MAGI2: variants seen among roughly 807,000 people sequenced by gnomAD.
MAGI2 encodes the protein membrane associated guanylate kinase, WW and PDZ domain containing 2.
Under a neutral mutation model 133.3 loss-of-function variants are expected in MAGI2, and 35 were observed. That is an observed-to-expected ratio of 0.26 (90% CI 0.20 to 0.35). The LOEUF (loss-of-function observed/expected upper bound fraction) is 0.35, where lower values mean the gene tolerates loss of function less well. Ranked by LOEUF, MAGI2 falls within the 10% of genes least tolerant of loss-of-function variation. The probability of loss-of-function intolerance (pLI) is 1.00; values close to 1 mark genes in which losing one functional copy is unlikely to be tolerated. For missense variants in MAGI2, 1,636 were observed against 1,863.4 expected (o/e 0.88, Z 2.25); for synonymous variants, 729 against 710.6 (o/e 1.03, Z -0.41).
At chr7:79,009,319 G>A (rs1245582709) in intron 1 of MAGI2, among the ~76,000 whole-genome samples, 1 of 151,606 alleles carries the variant, frequency 6.6e-6, no homozygotes, top group African/African-American at 2.4e-5. Context: ...TTCAATGACT[G>A]TATCTTTTTT....
At chr7:79,358,679 T>A (rs1383728256) in intron 1 of MAGI2, among the ~76,000 whole-genome samples, 1 of 152,026 alleles carries the variant, frequency 6.6e-6, no homozygotes, top group Non-Finnish European at 1.5e-5. Context: ...GGCAGAAGGA[T>A]CTCACCACAC....
chr7:79,244,862 T>G (rs935045580), intron 1 of MAGI2, among the ~76,000 whole-genome samples: 47 of 152,080 alleles, frequency 3.1e-4, no homozygotes, highest in Non-Finnish European at 1.0e-4. Context: ...TCCTTTCACT[T>G]GAGGAGTGGG....
At chr7:78,299,097 C>T (rs866017470) in intron 9 of MAGI2, among the ~76,000 whole-genome samples, 1 of 152,004 alleles carries the variant, frequency 6.6e-6, no homozygotes, top group African/African-American at 2.4e-5. Context: ...GGATTACAGG[C>T]GTGAGCTACC....
At chr7:79,049,222 C>T (rs1159183276) in intron 1 of MAGI2, among the ~76,000 whole-genome samples, 1 of 152,038 alleles carries the variant, frequency 6.6e-6, no homozygotes, top group Non-Finnish European at 1.5e-5. Flanking sequence ...ATACTTAGTT[C>T]AAATTGTGTA....
At chr7:78,279,350 C>G (rs149067009) in intron 9 of MAGI2, among the ~76,000 whole-genome samples, 2 of 152,282 alleles carry the variant, frequency 1.3e-5, no homozygotes, top group African/African-American at 4.8e-5. Flanking sequence ...ACTGGCACGT[C>G]TAAGTCTCCT....
In MAGI2 at chr7:78,324,170, C is replaced by CACACTACACTACACTACACT. The variant is rs71085522; in HGVS notation, c.1408+19588_1408+19607dup. Among the ~76,000 whole-genome samples, 221 of 127,280 alleles carry CACACTACACTACACTACACT rather than the reference C, an allele frequency of 1.7e-3. 4 individuals carry two copies. The highest frequency in any genetic ancestry group is 3.8e-3 in the Middle Eastern group (1 of 262). The allele number at this position is 127,280 out of a possible 152,430, so 83.5% of individuals were successfully genotyped here. ...CTACACTACACACTACACTACACTA[C>CACACTACACTACACTACACT]ACACTACACTACACTACACTACACT... On this transcript the variant is annotated intron_variant, in intron 9 of 21. Coordinates refer to ENST00000354212, the MANE Select transcript of MAGI2 (RefSeq NM_012301.4).
At chr7:78,729,022 G>A (rs574975667) in intron 2 of MAGI2, among the ~76,000 whole-genome samples, 6 of 152,318 alleles carry the variant, frequency 3.9e-5, no homozygotes, top group Admixed American at 3.9e-4. Flanking sequence ...TAGATGCAGA[G>A]TTTTGTAATC....
intron 9 of MAGI2, among the ~76,000 whole-genome samples, chr7:78,295,275 G>A (rs798344): frequency 0.9 from 137,756 of 152,232 alleles, 62,386 homozygotes; most frequent in South Asian, 0.97. Context: ...AGCTGCTTCC[G>A]CCTTATATCT....
intron 20 of MAGI2, among the ~76,000 whole-genome samples, chr7:78,099,142 T>C (rs925323813): frequency 6.6e-6 from 1 of 152,202 alleles, no homozygotes; most frequent in African/African-American, 2.4e-5. Context: ...ATGTATTAAG[T>C]ATCAGTTCCT....
intron 2 of MAGI2, among the ~76,000 whole-genome samples, chr7:78,681,977 C>A (rs1815718842): frequency 6.8e-6 from 1 of 147,416 alleles, no homozygotes; most frequent in South Asian, 2.1e-4. Flanking sequence ...GACAAAAATG[C>A]AATGACCAAG....
intron 2 of MAGI2, among the ~76,000 whole-genome samples, chr7:78,647,300 A>T (rs1363102769): frequency 1.3e-5 from 2 of 152,218 alleles, no homozygotes; most frequent in Non-Finnish European, 2.9e-5. Flanking sequence ...ACAAATTTAC[A>T]AGAAAAAAAC....
At chr7:78,182,448 G>A (rs917188057) in intron 13 of MAGI2, among the ~76,000 whole-genome samples, 2 of 152,152 alleles carry the variant, frequency 1.3e-5, no homozygotes, top group African/African-American at 4.8e-5. Context: ...CATAGTAGAA[G>A]CCATCTCCCA....
At chr7:78,461,042 C>T (rs1032457935) in intron 6 of MAGI2, among the ~76,000 whole-genome samples, 2 of 152,014 alleles carry the variant, frequency 1.3e-5, no homozygotes, top group Admixed American at 6.6e-5. Flanking sequence ...TTCTAACAAC[C>T]TTTCTATCTA....
chr7:78,651,318 G>GCTTT (rs1188061997), intron 2 of MAGI2, among the ~76,000 whole-genome samples: 1 of 151,120 alleles, frequency 6.6e-6, no homozygotes, highest in Non-Finnish European at 1.5e-5. Context: ...CTGCCTTTGT[G>GCTTT]CTTGTCTTAC....
intron 6 of MAGI2, among the ~76,000 whole-genome samples, chr7:78,399,480 G>A (rs1025389799): frequency 2.0e-5 from 3 of 152,154 alleles, no homozygotes; most frequent in South Asian, 2.1e-4. Flanking sequence ...TGCATCAGTC[G>A]AGGTAATGGG....
intron 1 of MAGI2, among the ~76,000 whole-genome samples, chr7:79,167,252 C>T (rs886415303): frequency 8.6e-5 from 13 of 151,866 alleles, no homozygotes; most frequent in African/African-American, 2.9e-4. Context: ...TCCTTATTCA[C>T]ATCCATCTAA....
intron 1 of MAGI2, among the ~76,000 whole-genome samples, chr7:79,154,123 G>T (rs1162798685): frequency 6.6e-6 from 1 of 152,120 alleles, no homozygotes; most frequent in Admixed American, 6.6e-5. Context: ...AACTGTAAGG[G>T]TTGTAGATAA....
intron 1 of MAGI2, among the ~76,000 whole-genome samples, chr7:79,239,421 A>G (rs1832204208): frequency 6.6e-6 from 1 of 152,220 alleles, no homozygotes; most frequent in East Asian, 1.9e-4. Context: ...GAGGTGCCGT[A>G]TCACATGTCA....
chr7:79,429,893 G>A (rs891860318), intron 1 of MAGI2, among the ~76,000 whole-genome samples: 5 of 151,986 alleles, frequency 3.3e-5, no homozygotes, highest in Admixed American at 2.0e-4. Flanking sequence ...TTATAGTCAA[G>A]TTAACTTTTT....
Sources: allele counts gnomAD v4.1 joint callset (sites outside exome capture counted in the v4.1 genomes callset), GRCh38; gene constraint gnomAD v4.1.1; transcripts MANE v1.5; gene names NCBI Gene and HGNC (gene_info 2026-07-23, HGNC 2026-07-21).